The following TGFBRAP1 variants were observed in gnomAD, a reference collection of about 807,000 sequenced individuals.
TGFBRAP1 encodes transforming growth factor beta receptor associated protein 1.
In TGFBRAP1, 20 loss-of-function variants were observed where a neutral mutation model predicts 83.2. The observed-to-expected ratio is 0.24, with a 90% CI of 0.17 to 0.35. The LOEUF (loss-of-function observed/expected upper bound fraction) is 0.35. Ranked by LOEUF, TGFBRAP1 falls within the 10% of genes least tolerant of loss-of-function variation. The pLI is 1.00. For missense variants in TGFBRAP1, 950 were observed against 1,099.4 expected (o/e 0.86, Z 1.92); for synonymous variants, 415 against 459.8 (o/e 0.90, Z 1.25).
Position 105,267,284 on chromosome 2 carries a change from T to C in TGFBRAP1, c.*99A>G. ...CTCCCTGGCACCCAGATGTCTCCCT[T>C]CGTCCTGGCTGACACAGAGCATGGT... is the stretch of plus-strand genomic sequence containing the variant. On this transcript the variant is annotated 3_prime_UTR_variant, in exon 12 of 12. Transcript: ENST00000393359. 1 of 1,492,742 alleles carries C rather than the reference T, an allele frequency of 6.7e-7. No homozygotes were observed. The highest frequency in any genetic ancestry group is 1.3e-5 in the South Asian group (1 of 74,764). The allele number at this position is 1,492,742 out of a possible 1,614,324, so 92.5% of individuals were successfully genotyped here.
downstream of TGFBRAP1, among the ~76,000 whole-genome samples, chr2:105,262,406 T>TC: frequency 6.6e-6 from 1 of 152,194 alleles, no homozygotes; most frequent in Admixed American, 6.5e-5. Flanking sequence ...ATGCATCTGC[T>TC]CCCCCTTGGC....
chr2:105,319,249 C>T (rs994446719), intron 1 of TGFBRAP1, among the ~76,000 whole-genome samples: 4 of 151,828 alleles, frequency 2.6e-5, no homozygotes, highest in East Asian at 2.0e-4. Flanking sequence ...TTAGTAGAGA[C>T]GGGAATCTCA....
At chr2:105,303,094 T>C (rs1156831434) in intron 2 of TGFBRAP1, among the ~76,000 whole-genome samples, 4 of 152,194 alleles carry the variant, frequency 2.6e-5, no homozygotes. Context: ...CAATGATGGA[T>C]TGGTTCTATC....
At chr2:105,327,506 T>C (rs2104428143) in intron 1 of TGFBRAP1, among the ~76,000 whole-genome samples, 1 of 152,230 alleles carries the variant, frequency 6.6e-6, no homozygotes, top group African/African-American at 2.4e-5. Context: ...AGATCAAGAC[T>C]GCAGTGAGCC....
At position 105,273,623 on chromosome 2, in the gene TGFBRAP1, T is replaced by A. The variant is rs1677234699; in HGVS notation, c.1733A>T (p.Asp578Val). 1 of 1,614,238 alleles carries A rather than the reference T, an allele frequency of 6.2e-7. No homozygotes were observed. The highest frequency in any genetic ancestry group is 1.3e-5 in the African/African-American group (1 of 75,060). Residue 578 changes from aspartate (D) to valine (V), a missense_variant, in exon 9 of 12, where the codon GAC (aspartate) becomes GTC (valine). Coordinates refer to ENST00000393359, the MANE Select transcript of TGFBRAP1 (RefSeq NM_004257.6). The stretch of plus-strand genomic sequence containing the variant: ...GTATTTTTTAAGGCAATTGATAATG[T>A]CGTCTGGATTAAAACTGTTCTTCTG... ...EQQKNSFNPD[D>V]IINCLKKYPK...
chr2:105,254,905 T>G, the TGFBRAP1 span, among the ~76,000 whole-genome samples: 118 of 152,286 alleles, frequency 7.7e-4, no homozygotes, highest in Non-Finnish European at 4.4e-5. Context: ...AGGGGCCATC[T>G]GAAGCCAGGA....
chr2:105,276,687 A>G (rs1234263039), intron 7 of TGFBRAP1, among the ~76,000 whole-genome samples: 1 of 152,220 alleles, frequency 6.6e-6, no homozygotes, highest in Non-Finnish European at 1.5e-5. Flanking sequence ...TGTAACTGAG[A>G]ACACCAGGTT....
chr2:105,283,228 A>G (rs1025186771), intron 5 of TGFBRAP1, among the ~76,000 whole-genome samples: 1 of 152,226 alleles, frequency 6.6e-6, no homozygotes, highest in African/African-American at 2.4e-5. Flanking sequence ...AAAAAGTTAT[A>G]TGGGGCATCA....
intron 9 of TGFBRAP1, 97 bp from the exon 10 acceptor site, chr2:105,273,111 C>T: frequency 2.0e-6 from 3 of 1,469,588 alleles, no homozygotes; most frequent in Admixed American, 2.0e-5. Context: ...ACCGCGGCTG[C>T]ACTGACATGA....
At chr2:105,284,017 C>A (rs1030621698) in intron 5 of TGFBRAP1, among the ~76,000 whole-genome samples, 2 of 152,142 alleles carry the variant, frequency 1.3e-5, no homozygotes, top group Non-Finnish European at 2.9e-5. Context: ...GCTATCAGAT[C>A]CGCTCTTTAG....
intron 11 of TGFBRAP1, among the ~76,000 whole-genome samples, chr2:105,268,311 C>T (rs1489648336): frequency 6.6e-6 from 1 of 152,118 alleles, no homozygotes; most frequent in African/African-American, 2.4e-5. Context: ...AATGAAGTTC[C>T]CTGTCCTCAA....
intron 2 of TGFBRAP1, among the ~76,000 whole-genome samples, chr2:105,306,068 G>GTTTTTT (rs1553406584): frequency 5.1e-5 from 6 of 118,648 alleles, no homozygotes; most frequent in South Asian, 2.6e-4. Flanking sequence ...TTTGTTTTTT[G>GTTTTTT]TTTTTTTTTT....
chr2:105,293,750 C>T (rs983049879), intron 4 of TGFBRAP1, among the ~76,000 whole-genome samples: 5 of 152,146 alleles, frequency 3.3e-5, no homozygotes, highest in African/African-American at 1.2e-4. Context: ...AAACCCCGTG[C>T]TGCCAATCCA....
chr2:105,324,863 C>G (rs970442499), intron 1 of TGFBRAP1, among the ~76,000 whole-genome samples: 1 of 152,180 alleles, frequency 6.6e-6, no homozygotes, highest in Non-Finnish European at 1.5e-5. Context: ...ACTGGGCCAC[C>G]CCGGCAGTGA....
intron 1 of TGFBRAP1, among the ~76,000 whole-genome samples, chr2:105,326,428 C>G (rs970233361): frequency 1.3e-5 from 2 of 152,212 alleles, no homozygotes; most frequent in Non-Finnish European, 1.5e-5. Context: ...AAAAAATTAT[C>G]GAGTACTGGC....
intron 2 of TGFBRAP1, 145 bp from the exon 3 acceptor site, chr2:105,298,850 A>C: frequency 1.5e-6 from 1 of 679,442 alleles, no homozygotes; most frequent in Non-Finnish European, 2.3e-6. Flanking sequence ...AAACAATATA[A>C]TATGCTGTAT....
the TGFBRAP1 span, among the ~76,000 whole-genome samples, chr2:105,251,907 G>C: frequency 6.7e-6 from 1 of 149,496 alleles, no homozygotes; most frequent in Non-Finnish European, 1.5e-5. Flanking sequence ...ATTAAGGGTG[G>C]TGCAAGATGT....
intron 3 of TGFBRAP1, among the ~76,000 whole-genome samples, chr2:105,297,644 G>A (rs1216451374): frequency 6.6e-6 from 1 of 152,204 alleles, no homozygotes; most frequent in Non-Finnish European, 1.5e-5. Flanking sequence ...TATGATAAAA[G>A]CCATTCTTAG....
chr2:105,301,084 C>T (rs74357145), intron 2 of TGFBRAP1, among the ~76,000 whole-genome samples: 2 of 151,902 alleles, frequency 1.3e-5, no homozygotes, highest in Admixed American at 6.6e-5. Context: ...ATTAGCCAGC[C>T]TTGGTGGCGG....
Sources: gnomAD v4.1 joint callset for allele counts (sites outside exome capture counted in the v4.1 genomes callset) on GRCh38, gnomAD v4.1.1 for gene constraint, MANE v1.5 for transcripts, NCBI Gene and HGNC (gene_info 2026-07-23, HGNC 2026-07-21) for gene names.